Variants in SMC1B observed in about 807,000 individuals in gnomAD.
The protein encoded by SMC1B is structural maintenance of chromosomes 1B.
Under a neutral mutation model 157.9 loss-of-function variants are expected in SMC1B, and 60 were observed. The ratio of observed to expected loss-of-function variants is 0.38; its 90% CI spans 0.31 to 0.47. The LOEUF is 0.47. Ranked by LOEUF, SMC1B falls within the 20% of genes least tolerant of loss-of-function variation. SMC1B has a pLI of 0.99. For synonymous variants in SMC1B, 445 were observed against 483.0 expected (o/e 0.92, Z 1.03); for missense variants, 1,165 against 1,426.2 (o/e 0.82, Z 2.95).
At chr22:45,393,424 C>T (rs951670896) in intron 9 of SMC1B, among the ~76,000 whole-genome samples, 2 of 152,080 alleles carry the variant, frequency 1.3e-5, no homozygotes, top group South Asian at 2.1e-4. Context: ...CCAATAATTA[C>T]GTTATCTACA....
chr22:45,389,583 A>C, intron 10 of SMC1B, 129 bp downstream of exon 10: 1 of 722,880 alleles, frequency 1.4e-6, no homozygotes, highest in South Asian at 1.9e-5. Context: ...CCAGCCATTA[A>C]AATGATTGCC....
At chr22:45,376,771 A>T (rs964317744) in intron 12 of SMC1B, among the ~76,000 whole-genome samples, 1 of 151,774 alleles carries the variant, frequency 6.6e-6, no homozygotes, top group Non-Finnish European at 1.5e-5. Context: ...TCAATAATGG[A>T]TCTAATTTTC....
chr22:45,376,857 C>T (rs1192487706), intron 12 of SMC1B, among the ~76,000 whole-genome samples: 4 of 152,086 alleles, frequency 2.6e-5, no homozygotes, highest in Admixed American at 6.5e-5. Context: ...ATCTTGACTG[C>T]GTTCCAGTCA....
chr22:45,344,756 ATCT>A (rs1327833193), intron 24 of SMC1B, 99 bp from the exon 25 acceptor site: 17 of 745,346 alleles, frequency 2.3e-5, no homozygotes, highest in Non-Finnish European at 3.7e-5. Context: ...TTCAAAAGGA[ATCT>A]TCTTCAACCT....
At position 45,389,683 on chromosome 22, in the gene SMC1B, A is replaced by G. The variant is rs1569191140; in HGVS notation, c.1731+29T>C. On this transcript the variant is annotated intron_variant, in intron 10 of 24. Coordinates refer to ENST00000357450, the MANE Select transcript of SMC1B (RefSeq NM_148674.5). The stretch of plus-strand genomic sequence containing the variant: ...TTTAAAAGACAAGATTTTTATCACT[A>G]TAAATACCAGGCATTACAAAGTTCT... The G allele has an allele frequency of 3.8e-6, 6 of 1,585,762 alleles. No homozygotes were observed. The Admixed American group carries it at 1.0e-4, about 28-fold the overall frequency.
rs1162326927 is a variant in SMC1B, at chr22:45,406,833, G to A, written c.331C>T (p.Leu111Phe). Reference protein sequence around the residue: ...GCSEFRFNDNLVSRSVYIAEL... With the variant: ...GCSEFRFNDNFVSRSVYIAEL... The stretch of plus-strand genomic sequence containing the variant: ...GCAATGTAAACAGAACGACTCACAA[G>A]ATTATCATTAAAGCGAAATTCTGAG... Residue 111 changes from leucine to phenylalanine, a missense_variant, in exon 3 of 25, where the codon CTT (leucine) becomes TTT (phenylalanine). Physicochemically the swap from Leu to Phe is conservative, Grantham distance 22. Coordinates refer to ENST00000357450, the MANE Select transcript of SMC1B (RefSeq NM_148674.5). The A allele has an allele frequency of 1.3e-6, 2 of 1,574,236 alleles. No homozygotes were observed. The highest frequency in any genetic ancestry group is 4.1e-5 in the Admixed American group (2 of 48,204).
rs1465532376 is a variant in SMC1B, at chr22:45,358,762, T to C, written c.2896A>G (p.Ile966Val). 1.9e-6 allele frequency: 3 copies of C among 1,613,252 alleles called. No individual in the cohort carries two copies. The highest frequency in any genetic ancestry group is 1.1e-5 in the South Asian group (1 of 90,980). The stretch of plus-strand genomic sequence containing the variant: ...GCTTCTTCTTTTTCATAGATATCAA[T>C]TGTTGCCTGGGTACTTTCTGCTTCA... The part of the protein sequence containing the change: ...GTEAESTQAT[I>V]DIYEKEEAFE... The change falls in exon 19 of 25, where the codon ATT becomes GTT. Residue 966 changes from isoleucine (I) to valine (V), a missense_variant. Ile to Val is a conservative substitution (Grantham distance 29). Transcript: ENST00000357450.
At chr22:45,396,258 A>T (rs1412329231) in intron 7 of SMC1B, 88 bp downstream of exon 7, 1 of 1,173,250 alleles carries the variant, frequency 8.5e-7, no homozygotes, top group African/African-American at 1.5e-5. Context: ...GTGTAAGGTT[A>T]AGGAGATTCA....
intron 23 of SMC1B, among the ~76,000 whole-genome samples, chr22:45,347,293 TG>T (rs1384118768): frequency 3.9e-5 from 6 of 152,244 alleles, no homozygotes; most frequent in Admixed American, 1.3e-4. Flanking sequence ...AGAGACTTTT[TG>T]GGGGTATGGA....
intron 1 of SMC1B, among the ~76,000 whole-genome samples, chr22:45,411,692 T>C (rs1417137939): frequency 6.6e-6 from 1 of 152,068 alleles, no homozygotes; most frequent in African/African-American, 2.4e-5. Flanking sequence ...GTTCAAGCGA[T>C]TCTCCTGCCT....
intron 6 of SMC1B, among the ~76,000 whole-genome samples, chr22:45,398,170 C>G (rs1030109309): frequency 6.6e-6 from 1 of 152,322 alleles, no homozygotes; most frequent in African/African-American, 2.4e-5. Context: ...TGTAACACCC[C>G]CTCTGGGGCT....
At chr22:45,347,943 C>T (rs2086568987) in intron 23 of SMC1B, among the ~76,000 whole-genome samples, 1 of 152,224 alleles carries the variant, frequency 6.6e-6, no homozygotes, top group Non-Finnish European at 1.5e-5. Flanking sequence ...AACCATGGTA[C>T]TGGGAACTCT....
intron 22 of SMC1B, among the ~76,000 whole-genome samples, chr22:45,351,457 T>C (rs1428133672): frequency 6.6e-6 from 1 of 152,254 alleles, no homozygotes; most frequent in Non-Finnish European, 1.5e-5. Context: ...CTTTTCCTTC[T>C]AGAGACCAGT....
chr22:45,402,591 A>C lies in SMC1B; in HGVS notation c.616-20T>G. On this transcript the variant is annotated intron_variant, in intron 4 of 24. Transcript: ENST00000357450. ...TTCTGCCTATAAAAGAGTATAATTC[A>C]ACAGCAGTTAAAAGGGAGTGTATTT... 6.4e-7 allele frequency: 1 copy of C among 1,562,932 alleles called. No homozygotes were observed. Among genetic ancestry groups the C allele is most frequent in the Non-Finnish European group, 8.8e-7 (1 of 1,139,050 alleles).
intron 6 of SMC1B, among the ~76,000 whole-genome samples, chr22:45,397,930 C>G (rs955432238): frequency 3.0e-4 from 46 of 152,266 alleles, no homozygotes; most frequent in African/African-American, 1.1e-3. Context: ...AGACACAGGA[C>G]AAGAACTGAG....
chr22:45,346,879 A>G (rs6006992), intron 23 of SMC1B, among the ~76,000 whole-genome samples: 132,602 of 152,218 alleles, frequency 0.87, 57,859 homozygotes, highest in African/African-American at 0.91. Flanking sequence ...GCAACGGAGT[A>G]TCAGAAAAAT....
At chr22:45,356,325 C>G (rs2086669533) in intron 19 of SMC1B, among the ~76,000 whole-genome samples, 1 of 152,194 alleles carries the variant, frequency 6.6e-6, no homozygotes, top group Admixed American at 6.5e-5. Flanking sequence ...TATGTGACCC[C>G]ATTCAGGCAA....
At chr22:45,367,034 T>C (rs1363004523) in intron 15 of SMC1B, among the ~76,000 whole-genome samples, 2 of 152,184 alleles carry the variant, frequency 1.3e-5, no homozygotes, top group Non-Finnish European at 2.9e-5. Flanking sequence ...TCTGTTATTT[T>C]GGAGATCACC....
intron 1 of SMC1B, among the ~76,000 whole-genome samples, chr22:45,410,575 C>A (rs894415623): frequency 6.6e-6 from 1 of 152,050 alleles, no homozygotes; most frequent in Non-Finnish European, 1.5e-5. Flanking sequence ...TGGTGGCGTG[C>A]GCCTGTAATC....
Sources: gnomAD v4.1 joint callset for allele counts (sites outside exome capture counted in the v4.1 genomes callset) on GRCh38, gnomAD v4.1.1 for gene constraint, MANE v1.5 for transcripts, NCBI Gene and HGNC (gene_info 2026-07-23, HGNC 2026-07-21) for gene names.